HNRNPDL: variants seen among roughly 807,000 people sequenced by gnomAD.
The protein encoded by HNRNPDL is heterogeneous nuclear ribonucleoprotein D-like.
In HNRNPDL, 18 loss-of-function variants were observed where a neutral mutation model predicts 48.0. That is an observed-to-expected ratio of 0.38 (90% CI 0.26 to 0.56). The LOEUF (loss-of-function observed/expected upper bound fraction) is 0.56, where lower values mean the gene tolerates loss of function less well. Ranked by LOEUF, HNRNPDL falls within the 20% of genes least tolerant of loss-of-function variation. The pLI, the probability that HNRNPDL is intolerant of heterozygous loss-of-function variation, is 0.77. For synonymous variants in HNRNPDL, 306 were observed against 207.3 expected, an observed-to-expected ratio of 1.48 and a Z score of -4.09; for missense variants, 553 against 540.7, an observed-to-expected ratio of 1.02 and a Z score of -0.23.
Position 82,429,377 on chromosome 4 carries a change from G to A in HNRNPDL, c.314C>T (p.Thr105Ile), listed in dbSNP as rs763175161. Reference sequence around the variant, plus strand: ...AGGGGGGTGCTGGCGCGCAGTCCGGGTCGCGGCAGCAGCGGCGGCGGAGCG... The same window carrying A: ...AGGGGGGTGCTGGCGCGCAGTCCGGATCGCGGCAGCAGCGGCGGCGGAGCG... ...IQRSAAAAAATRTARQHPPAD... is the reference protein window; with the variant it reads ...IQRSAAAAAAIRTARQHPPAD... Residue 105 changes from threonine (T) to isoleucine (I), a missense_variant, in exon 1 of 8, where the codon ACC becomes ATC. Physicochemically the swap from Thr to Ile is moderately conservative, Grantham distance 89. Around this residue, in one of 4 missense-constraint regions of HNRNPDL, gnomAD observed 327 missense variants for 203.2 expected, o/e 1.61. Transcript: ENST00000295470. 5.6e-5 allele frequency: 91 copies of A among 1,613,468 alleles called. No homozygotes were observed. In the Admixed American group the frequency reaches 1.3e-3, roughly 23 times the overall value.
chr4:82,429,023 G>A (rs551094715), intron 1 of HNRNPDL, among the ~76,000 whole-genome samples: 19 of 151,200 alleles, frequency 1.3e-4, no homozygotes, highest in South Asian at 2.1e-4. Flanking sequence ...CACAGACGCC[G>A]CCGCCCTCCT....
chr4:82,429,616 G>A lies in HNRNPDL; in HGVS notation c.75C>T (p.Arg25=), dbSNP rs1721624408. 2.9e-6 allele frequency: 4 copies of A among 1,381,292 alleles called. No individual in the cohort carries two copies. The highest frequency in any genetic ancestry group is 3.1e-5 in the African/African-American group (2 of 65,038). The allele number at this position is 1,381,292 out of a possible 1,614,324, so 85.6% of individuals were successfully genotyped here. ...GCCGCGGCCGCCAATGGGAGAGGCT[G>A]CGGGAGGCTAAAGTAGCGGGAGCGG... ...FPSAPATLAS[R]SLSHWRPRPP... Residue 25 remains arginine, a synonymous_variant, in exon 1 of 8, where the codon CGC becomes CGT. Coordinates refer to ENST00000295470, the MANE Select transcript of HNRNPDL (RefSeq NM_031372.4).
chr4:82,429,346 G>C lies in HNRNPDL; in HGVS notation c.345C>G (p.Asp115Glu), dbSNP rs999620136. Reference sequence around the variant, plus strand: ...TCATATCCTCCATAGTGACGGAGCTGTCGGCAGGGGGGTGCTGGCGCGCAG... The same window carrying C: ...TCATATCCTCCATAGTGACGGAGCTCTCGGCAGGGGGGTGCTGGCGCGCAG... ...TRTARQHPPA[D>E]SSVTMEDMNE... The change falls in exon 1 of 8, where the codon GAC becomes GAG. Residue 115 changes from aspartate (D) to glutamate (E), a missense_variant. Physicochemically the swap from Asp to Glu is conservative, Grantham distance 45. This residue lies in a region of HNRNPDL where 327 missense variants were observed against 203.2 expected (regional missense o/e 1.61). Coordinates refer to ENST00000295470, the MANE Select transcript of HNRNPDL (RefSeq NM_031372.4). 6.2e-7 allele frequency: 1 copy of C among 1,613,856 alleles called. No homozygotes were observed. Among genetic ancestry groups the C allele is most frequent in the Non-Finnish European group, 8.5e-7 (1 of 1,179,892 alleles).
At position 82,429,767 on chromosome 4, in the gene HNRNPDL, A is replaced by C; in HGVS notation, c.-77T>G. The C allele has an allele frequency of 1.8e-6, 2 of 1,138,582 alleles. No individual in the cohort carries two copies. The highest frequency in any genetic ancestry group is 2.3e-6 in the Non-Finnish European group (2 of 878,464). The allele number at this position is 1,138,582 out of a possible 1,614,324, so 70.5% of individuals were successfully genotyped here. ...GGAGAAGAGAAGAATCAGAAGAGAA[A>C]AACGAAGGGGCGTAAATTCCTGGGG... On this transcript the variant is annotated 5_prime_UTR_variant, in exon 1 of 8. Coordinates refer to ENST00000295470, the MANE Select transcript of HNRNPDL (RefSeq NM_031372.4).
intron 3 of HNRNPDL, among the ~76,000 whole-genome samples, 183 bp downstream of exon 3, chr4:82,427,835 A>G (rs1721482600): frequency 1.3e-5 from 2 of 152,258 alleles, no homozygotes; most frequent in South Asian, 4.1e-4. Flanking sequence ...TGTTTTAGCT[A>G]AATTAGATAG....
At chr4:82,428,986 T>C (rs1578085695) in intron 1 of HNRNPDL, among the ~76,000 whole-genome samples, 1 of 148,814 alleles carries the variant, frequency 6.7e-6, no homozygotes, top group Non-Finnish European at 1.5e-5. Flanking sequence ...CCCCCCCGGG[T>C]CCCACGCGGC....
rs1255310458 is a variant in HNRNPDL at position 82,423,487 on chromosome 4, G to A, written c.*1419C>T. The A allele has an allele frequency of 6.6e-6, 1 of 151,820 alleles. No homozygotes were observed. Among genetic ancestry groups the A allele is most frequent in the South Asian group, 2.1e-4 (1 of 4,814 alleles). 9.4% of individuals were successfully genotyped at this position (151,820 alleles called of 1,614,324 possible). On this transcript the variant is annotated 3_prime_UTR_variant, in exon 8 of 8. Transcript: ENST00000295470. ...AAGAGCATTATAATGTGATAGCCCA[G>A]GAAGTAGAATCATTGTTAAGAAAGT...
intron 1 of HNRNPDL, 77 bp from the exon 2 acceptor site, chr4:82,428,523 T>A: frequency 1.7e-6 from 2 of 1,167,030 alleles, no homozygotes; most frequent in South Asian, 1.5e-5. Context: ...AATCGTGAAA[T>A]AAAAACAGGG....
chr4:82,426,632 A>C lies in HNRNPDL; in HGVS notation c.1023T>G (p.Gly341=). The C allele has an allele frequency of 6.2e-7, 1 of 1,613,310 alleles. No individual in the cohort carries two copies. The highest frequency in any genetic ancestry group is 8.5e-7 in the Non-Finnish European group (1 of 1,179,528). Residue 341 remains glycine (G), a splice_region_variant and synonymous_variant, in exon 6 of 8, where the codon GGT becomes GGG. Transcript: ENST00000295470. ...ATCCTTGGTTCCAGTTTTGGCCCTG[A>C]CCTGAAACAATGCACAATGATTGTT... ...GRGGTRGRGR[G]QGQNWNQGFN...
At chr4:82,427,980 A>G (rs1721488972) in intron 3 of HNRNPDL, 38 bp downstream of exon 3, 3 of 1,587,626 alleles carry the variant, frequency 1.9e-6, no homozygotes, top group South Asian at 2.2e-5. Context: ...CATTTTATAA[A>G]CACATCAAGC....
In HNRNPDL at chr4:82,429,383, G is replaced by A. The variant is rs757439623; in HGVS notation, c.308C>T (p.Ala103Val). ...GTGCTGGCGCGCAGTCCGGGTCGCGGCAGCAGCGGCGGCGGAGCGTTGTAT... is the reference window on the plus strand; with the variant it reads ...GTGCTGGCGCGCAGTCCGGGTCGCGACAGCAGCGGCGGCGGAGCGTTGTAT... Reference protein sequence around the residue: ...SSIQRSAAAAAATRTARQHPP... With the variant: ...SSIQRSAAAAVATRTARQHPP... The change falls in exon 1 of 8, where the codon GCC (alanine) becomes GTC (valine). Residue 103 changes from alanine (A) to valine (V), a missense_variant. By Grantham distance (64) the Ala-to-Val change is moderately conservative. This residue lies in a region of HNRNPDL where 327 missense variants were observed against 203.2 expected (regional missense o/e 1.61). Transcript: ENST00000295470. 1 of 1,613,546 alleles carries A rather than the reference G, an allele frequency of 6.2e-7. No individual in the cohort carries two copies. The highest frequency in any genetic ancestry group is 1.1e-5 in the South Asian group (1 of 91,060).
rs1721687502 is a variant in HNRNPDL, at chr4:82,430,403, T to G, written c.-713A>C. The G allele has an allele frequency of 5.5e-6, 1 of 182,782 alleles. No homozygotes were observed. 11.3% of individuals were successfully genotyped at this position (182,782 alleles called of 1,614,324 possible). On this transcript the variant is annotated 5_prime_UTR_variant, in exon 1 of 8. Transcript: ENST00000295470. Reference sequence around the variant, plus strand: ...CGTGCCCCGGGCCTCTCCCGCTCGCTCAACCTGTCTGCGGAGGGCGCGCTC... The same window carrying G: ...CGTGCCCCGGGCCTCTCCCGCTCGCGCAACCTGTCTGCGGAGGGCGCGCTC...
Position 82,429,958 on chromosome 4 carries a change from A to C in HNRNPDL, c.-268T>G. 3.5e-6 allele frequency: 1 copy of C among 287,804 alleles called. No individual in the cohort carries two copies. Among genetic ancestry groups the C allele is most frequent in the East Asian group, 5.5e-5 (1 of 18,230 alleles). 17.8% of individuals were successfully genotyped at this position (287,804 alleles called of 1,614,324 possible). A position where few individuals can be genotyped will look rare whatever the true frequency, so the allele number is the denominator to read the frequency against. ...GCCGCTGCGGCGGCCGCTGCTACCG[A>C]CTAGCACCGCGGCCAGTCTGCTCCG... is the stretch of plus-strand genomic sequence containing the variant. On this transcript the variant is annotated 5_prime_UTR_variant, in exon 1 of 8. Transcript: ENST00000295470.
Position 82,423,714 on chromosome 4 carries a change from T to C in HNRNPDL, c.*1192A>G, listed in dbSNP as rs1254876525. Reference sequence around the variant, plus strand: ...CAAAGCTTTTTATTATTCCAGGTCCTCTGAAACCTGGATATAAAACGGATT... The same window carrying C: ...CAAAGCTTTTTATTATTCCAGGTCCCCTGAAACCTGGATATAAAACGGATT... On this transcript the variant is annotated 3_prime_UTR_variant, in exon 8 of 8. Transcript: ENST00000295470. 2.0e-5 allele frequency: 3 copies of C among 152,234 alleles called. No homozygotes were observed. The East Asian group carries it at 5.8e-4, about 29-fold the overall frequency. 9.4% of individuals were successfully genotyped at this position (152,234 alleles called of 1,614,324 possible).
Position 82,429,839 on chromosome 4 carries a change from C to T in HNRNPDL, c.-149G>A. 1 of 500,408 alleles carries T rather than the reference C, an allele frequency of 2.0e-6. No individual in the cohort carries two copies. Among genetic ancestry groups the T allele is most frequent in the Non-Finnish European group, 3.2e-6 (1 of 313,000 alleles). 31.0% of individuals were successfully genotyped at this position (500,408 alleles called of 1,614,324 possible). The stretch of plus-strand genomic sequence containing the variant: ...GACGCAGGGCCACAGTCCCTCTTGC[C>T]TTGGGAGCCTTTGTCTCTGGCGTCC... On this transcript the variant is annotated 5_prime_UTR_variant, in exon 1 of 8. Transcript: ENST00000295470.
At position 82,428,171 on chromosome 4, in the gene HNRNPDL, T is replaced by C; in HGVS notation, c.621A>G (p.Glu207=). 1 of 1,613,944 alleles carries C rather than the reference T, an allele frequency of 6.2e-7. No homozygotes were observed. The highest frequency in any genetic ancestry group is 8.5e-7 in the Non-Finnish European group (1 of 1,179,960). Residue 207 remains glutamate, a synonymous_variant, in exon 3 of 8, where the codon GAA becomes GAG. Coordinates refer to ENST00000295470, the MANE Select transcript of HNRNPDL (RefSeq NM_031372.4). The stretch of plus-strand genomic sequence containing the variant: ...TGCCATCCAGTTTGTGTTCTTTCAG[T>C]TCCAAAACCTACAAGACAGATTTAT... ...KDAASVDKVL[E]LKEHKLDGKL...
rs760328821 is a variant in HNRNPDL, at chr4:82,423,322, CCTA to C, written c.*1581_*1583del. On this transcript the variant is annotated 3_prime_UTR_variant, in exon 8 of 8. Transcript: ENST00000295470. ...AGGATTCACTACCCTAGACACCGCA[CCTA>C]CTGACAACACAACTTAAAAATGAAC... 2.0e-5 allele frequency: 3 copies of C among 152,150 alleles called. No individual in the cohort carries two copies. Among genetic ancestry groups the C allele is most frequent in the Non-Finnish European group, 2.9e-5 (2 of 68,036 alleles). 9.4% of individuals were successfully genotyped at this position (152,150 alleles called of 1,614,324 possible).
At chr4:82,429,197 G>A (rs573943710) in intron 1 of HNRNPDL, 51 bp downstream of exon 1, 3 of 1,552,568 alleles carry the variant, frequency 1.9e-6, no homozygotes, top group African/African-American at 2.7e-5. Flanking sequence ...GGAACGAAGG[G>A]CGCGTGCGGC....
At position 82,429,780 on chromosome 4, in the gene HNRNPDL, T is replaced by G. The variant is rs531086771; in HGVS notation, c.-90A>C. ...ATCAGAAGAGAAAAACGAAGGGGCG[T>G]AAATTCCTGGGGTCAGCAGTCCCGA... On this transcript the variant is annotated 5_prime_UTR_variant, in exon 1 of 8. Transcript: ENST00000295470. 48 of 1,048,526 alleles carry G rather than the reference T, an allele frequency of 4.6e-5. No homozygotes were observed. The African/African-American group carries it at 7.1e-4, about 15-fold the overall frequency. The allele number at this position is 1,048,526 out of a possible 1,614,324, so 65.0% of individuals were successfully genotyped here. A position where few individuals can be genotyped will look rare whatever the true frequency, so the allele number is the denominator to read the frequency against.
Sources: allele counts gnomAD v4.1 joint callset (sites outside exome capture counted in the v4.1 genomes callset), GRCh38; gene constraint gnomAD v4.1.1; regional missense constraint gnomAD v4.1.1; transcripts MANE v1.5; gene names NCBI Gene and HGNC (gene_info 2026-07-23, HGNC 2026-07-21).